KRT25: variants seen among roughly 807,000 people sequenced by gnomAD.
KRT25 encodes the protein keratin 25.
KRT25 carries 37 observed loss-of-function variants against 47.6 expected under a neutral mutation model. That is an observed-to-expected ratio of 0.78 (90% CI 0.60 to 1.02). The LOEUF (loss-of-function observed/expected upper bound fraction) is 1.02, where lower values mean the gene tolerates loss of function less well. Among genes scored for constraint, KRT25 ranks in the 50% least tolerant of loss-of-function variants. KRT25 has a pLI of 0.00. For missense variants in KRT25, 542 were observed against 550.3 expected, an observed-to-expected ratio of 0.98 and a Z score of 0.15; for synonymous variants, 203 against 210.2, an observed-to-expected ratio of 0.97 and a Z score of 0.30.
chr17:40,748,165 G>C lies in KRT25; in HGVS notation c.*112C>G. On this transcript the variant is annotated 3_prime_UTR_variant, in exon 8 of 8. Transcript: ENST00000312150. The stretch of plus-strand genomic sequence containing the variant: ...TTGATTGCCCAGAAAGAAAGTAACA[G>C]AAAGACAACAGGTTAGACATTTTTC... 3.1e-6 allele frequency: 2 copies of C among 635,070 alleles called. No homozygotes were observed. Among genetic ancestry groups the C allele is most frequent in the Non-Finnish European group, 5.3e-6 (2 of 376,108 alleles). The allele number at this position is 635,070 out of a possible 1,614,324, so 39.3% of individuals were successfully genotyped here.
intron 7 of KRT25, among the ~76,000 whole-genome samples, chr17:40,748,919 G>C (rs1212410462): frequency 6.6e-6 from 1 of 152,214 alleles, no homozygotes; most frequent in Non-Finnish European, 1.5e-5. Flanking sequence ...GATGGAGCTG[G>C]AGGCTATCAT....
intron 2 of KRT25, 116 bp downstream of exon 2, chr17:40,754,270 C>T (rs1298919535): frequency 1.1e-6 from 1 of 905,228 alleles, no homozygotes; most frequent in Non-Finnish European, 1.8e-6. Context: ...AAAGTAATAA[C>T]ATCCTGTTTA....
Position 40,754,940 on chromosome 17 carries a change from A to C in KRT25, c.332T>G (p.Ile111Ser). 1 of 1,614,158 alleles carries C rather than the reference A, an allele frequency of 6.2e-7. No homozygotes were observed. Among genetic ancestry groups the C allele is most frequent in the Non-Finnish European group, 8.5e-7 (1 of 1,180,024 alleles). Residue 111 changes from isoleucine (I) to serine (S), a missense_variant, in exon 1 of 8, where the codon ATC (isoleucine) becomes AGC (serine). Transcript: ENST00000312150. The part of the protein sequence containing the change: ...EEANADLEQK[I>S]KGWYEKFGPG... ...CCCAAATTTCTCATACCAGCCCTTGATCTTCTGCTCCAGGTCAGCGTTGGC... is the reference window on the plus strand; with the variant it reads ...CCCAAATTTCTCATACCAGCCCTTGCTCTTCTGCTCCAGGTCAGCGTTGGC...
chr17:40,750,327 G>T (rs1323651113), intron 6 of KRT25, 53 bp downstream of exon 6: 2 of 1,574,434 alleles, frequency 1.3e-6, no homozygotes, highest in Non-Finnish European at 1.7e-6. Context: ...TGGGATCTAA[G>T]TTGCAAGCAG....
Position 40,751,187 on chromosome 17 carries a change from G to T in KRT25, c.809C>A (p.Ala270Glu). The T allele has an allele frequency of 6.2e-7, 1 of 1,614,112 alleles. No individual in the cohort carries two copies. The highest frequency in any genetic ancestry group is 1.3e-5 in the African/African-American group (1 of 75,032). ...CACCTTCTCGTTGAACCAGGCCTCCGCGTCCCTGCGGTTCTGCTCTGCAAG... is the reference window on the plus strand; with the variant it reads ...CACCTTCTCGTTGAACCAGGCCTCCTCGTCCCTGCGGTTCTGCTCTGCAAG... ...EALAEQNRRD[A>E]EAWFNEKSAS... The change falls in exon 4 of 8, where the codon GCG becomes GAG. Residue 270 changes from alanine (A) to glutamate (E), a missense_variant. Physicochemically the swap from Ala to Glu is moderately radical, Grantham distance 107 (BLOSUM62 -1). Transcript: ENST00000312150.
chr17:40,748,333 T>A lies in KRT25; in HGVS notation c.1297A>T (p.Ser433Cys), dbSNP rs781235548. 1.5e-5 allele frequency: 25 copies of A among 1,613,158 alleles called. 1 individual carries two copies. In the East Asian group the frequency reaches 5.6e-4, roughly 36 times the overall value. Reference sequence around the variant, plus strand: ...TGGAGCCTGGTGGTAAGTATTTTGCTGCGTTGGTCTACCTCCTCAAGAACT... The same window carrying A: ...TGGAGCCTGGTGGTAAGTATTTTGCAGCGTTGGTCTACCTCCTCAAGAACT... ...KKVLEEVDQRSKILTTRLHSL... is the reference protein window; with the variant it reads ...KKVLEEVDQRCKILTTRLHSL... Residue 433 changes from serine (S) to cysteine (C), a missense_variant, in exon 8 of 8, where the codon AGC becomes TGC. Transcript: ENST00000312150.
chr17:40,752,403 C>G (rs545632635), intron 3 of KRT25, among the ~76,000 whole-genome samples: 7 of 152,278 alleles, frequency 4.6e-5, no homozygotes, highest in Non-Finnish European at 1.0e-4. Context: ...CAGAAACTCT[C>G]CTCCCCATTC....
At chr17:40,748,958 A>T (rs1394872662) in intron 7 of KRT25, among the ~76,000 whole-genome samples, 1 of 152,178 alleles carries the variant, frequency 6.6e-6, no homozygotes, top group African/African-American at 2.4e-5. Context: ...GGAACAGAAA[A>T]CCAAACACCA....
In KRT25 at chr17:40,749,299, G is replaced by A. The variant is rs2038024865; in HGVS notation, c.1202C>T (p.Ser401Phe). 1 of 1,613,490 alleles carries A rather than the reference G, an allele frequency of 6.2e-7. No individual in the cohort carries two copies. Among genetic ancestry groups the A allele is most frequent in the African/African-American group, 1.3e-5 (1 of 74,898 alleles). The change falls in exon 7 of 8, where the codon TCT (serine) becomes TTT (phenylalanine). Residue 401 changes from serine (S) to phenylalanine (F), a missense_variant. Transcript: ENST00000312150. ...DGACKSGGYK[S>F]KDYGSGNVGS... ...CACATTTCCAGATCCATAATCTTTA[G>A]ACTTGTAACCCCCAGACTTACAGGC...
chr17:40,751,261 C>T lies in KRT25; in HGVS notation c.735G>A (p.Gly245=), dbSNP rs370258866. ...TGTTCAGCAGAACTGTGAGGTCCAC[C>T]CCGGGGGCTGCGTTCATCTCCACGT... ...NVNVEMNAAP[G]VDLTVLLNNM... The change falls in exon 4 of 8, where the codon GGG becomes GGA. Residue 245 remains glycine, a synonymous_variant. Coordinates refer to ENST00000312150, the MANE Select transcript of KRT25 (RefSeq NM_181534.4). 4.3e-6 allele frequency: 7 copies of T among 1,614,048 alleles called. No homozygotes were observed. The highest frequency in any genetic ancestry group is 1.3e-5 in the African/African-American group (1 of 74,924).
chr17:40,755,011 A>G lies in KRT25; in HGVS notation c.261T>C (p.Asn87=). The change falls in exon 1 of 8, where the codon AAT becomes AAC. Residue 87 remains asparagine (N), a synonymous_variant. Coordinates refer to ENST00000312150, the MANE Select transcript of KRT25 (RefSeq NM_181534.4). ...GNEKVTMQNL[N]DRLASYLDSV... Reference sequence around the variant, plus strand: ...TGTCCAGGTAGGATGCCAGGCGGTCATTGAGGTTCTGCATGGTCACCTTCT... The same window carrying G: ...TGTCCAGGTAGGATGCCAGGCGGTCGTTGAGGTTCTGCATGGTCACCTTCT... 2 of 1,614,180 alleles carry G rather than the reference A, an allele frequency of 1.2e-6. No individual in the cohort carries two copies. The highest frequency in any genetic ancestry group is 1.7e-6 in the Non-Finnish European group (2 of 1,180,038).
chr17:40,750,720 T>C (rs2038038350), intron 5 of KRT25, 123 bp from the exon 6 acceptor site: 2 of 1,388,258 alleles, frequency 1.4e-6, no homozygotes, highest in Admixed American at 2.1e-5. Flanking sequence ...CATGGACACA[T>C]AGTTAAGACT....
intron 7 of KRT25, 143 bp from the exon 8 acceptor site, chr17:40,748,529 T>C (rs2038017196): frequency 1.8e-6 from 1 of 562,582 alleles, no homozygotes; most frequent in African/African-American, 2.0e-5. Context: ...GTGAATAATT[T>C]TGATTATTTG....
chr17:40,749,218 TA>T (rs761709360), intron 7 of KRT25, 39 bp downstream of exon 7: 3 of 1,487,278 alleles, frequency 2.0e-6, no homozygotes, highest in Admixed American at 3.4e-5. Context: ...AGTTAAAAAA[TA>T]AAAAATTAGC....
rs758761288 is a variant in KRT25 at position 40,750,385 on chromosome 17, A to G, written c.1170T>C (p.Asp390=). 1.2e-6 allele frequency: 2 copies of G among 1,613,788 alleles called. No individual in the cohort carries two copies. Among genetic ancestry groups the G allele is most frequent in the Non-Finnish European group, 1.7e-6 (2 of 1,179,708 alleles). Residue 390 remains aspartate (D), a synonymous_variant, in exon 6 of 8, where the codon GAT becomes GAC. Coordinates refer to ENST00000312150, the MANE Select transcript of KRT25 (RefSeq NM_181534.4). ...IETYCLLIGG[D]DGACKSGGYK... ...ATGCAGATTATTTTACCTACCCATC[A>G]TCTCCTCCTATAAGGAGACAGTAGG... is the stretch of plus-strand genomic sequence containing the variant.
At position 40,751,788 on chromosome 17, in the gene KRT25, C is replaced by A. The variant is rs543051032; in HGVS notation, c.670-462G>T. On this transcript the variant is annotated intron_variant, in intron 3 of 7. Transcript: ENST00000312150. ...AACTCAGCTACACCCTGAGCACAGC[C>A]ATGAACATGGTTGAAGGGTTGAGTA... Among the ~76,000 whole-genome samples, 3 of 152,034 alleles carry A rather than the reference C, an allele frequency of 2.0e-5. No individual in the cohort carries two copies. In the South Asian group the frequency reaches 6.2e-4, roughly 32 times the overall value.
At position 40,750,950 on chromosome 17, in the gene KRT25, A is replaced by T; in HGVS notation, c.957+4T>A. ...ATGGTGAAAAAAAATTGTTCTTTTC[A>T]TACCGTGGCTAGGAGAGACTGAAGT... On this transcript the variant is annotated splice_donor_region_variant and intron_variant, in intron 5 of 7. Coordinates refer to ENST00000312150, the MANE Select transcript of KRT25 (RefSeq NM_181534.4). 6.2e-7 allele frequency: 1 copy of T among 1,613,702 alleles called. No homozygotes were observed. Among genetic ancestry groups the T allele is most frequent in the Non-Finnish European group, 8.5e-7 (1 of 1,179,684 alleles).
At chr17:40,749,755 G>A (rs914941098) in intron 6 of KRT25, among the ~76,000 whole-genome samples, 3 of 104,518 alleles carry the variant, frequency 2.9e-5, no homozygotes, top group Admixed American at 1.0e-4. Flanking sequence ...GGTGTAGATC[G>A]CTTCAGCAGT....
chr17:40,750,686 T>C, intron 5 of KRT25, 89 bp from the exon 6 acceptor site: 1 of 1,556,370 alleles, frequency 6.4e-7, no homozygotes, highest in Non-Finnish European at 8.8e-7. Context: ...CTGTTAACTT[T>C]ACATATAATT....
Sources: gnomAD v4.1 joint callset for allele counts (sites outside exome capture counted in the v4.1 genomes callset) on GRCh38, gnomAD v4.1.1 for gene constraint, MANE v1.5 for transcripts, NCBI Gene and HGNC (gene_info 2026-07-23, HGNC 2026-07-21) for gene names.